The following PHGDH variants were observed in gnomAD, a reference collection of about 807,000 sequenced individuals.
PHGDH encodes the protein D-3-phosphoglycerate dehydrogenase.
In PHGDH, 50 loss-of-function variants were observed where a neutral mutation model predicts 52.6. That is an observed-to-expected ratio of 0.95 (90% CI 0.76 to 1.20). PHGDH has a LOEUF of 1.20. Among genes scored for constraint, PHGDH ranks in the 50% most tolerant of loss-of-function variants. The probability of loss-of-function intolerance (pLI) is 0.00; values close to 1 mark genes in which losing one functional copy is unlikely to be tolerated. For synonymous variants in PHGDH, 271 were observed against 280.5 expected (o/e 0.97, Z 0.34); for missense variants, 630 against 684.6 (o/e 0.92, Z 0.89).
At chr1:119,740,551 G>C in intron 9 of PHGDH, 33 bp downstream of exon 9, 1 of 1,524,662 alleles carries the variant, frequency 6.6e-7, no homozygotes, top group Non-Finnish European at 8.9e-7. Flanking sequence ...GGAGGGGGAG[G>C]AGGGGATGAG....
chr1:119,732,850 C>T (rs1421103062), intron 5 of PHGDH, among the ~76,000 whole-genome samples: 3 of 152,188 alleles, frequency 2.0e-5, no homozygotes, highest in Non-Finnish European at 4.4e-5. Flanking sequence ...TTCTTGGCTC[C>T]TGAGCATGGA....
chr1:119,743,275 G>A (rs933075819), intron 11 of PHGDH, among the ~76,000 whole-genome samples: 1 of 152,246 alleles, frequency 6.6e-6, no homozygotes, highest in Non-Finnish European at 1.5e-5. Flanking sequence ...GGCAGGGGTG[G>A]GGCCATAGCC....
chr1:119,723,751 G>A (rs1428653576), intron 3 of PHGDH, among the ~76,000 whole-genome samples: 1 of 151,566 alleles, frequency 6.6e-6, no homozygotes, highest in Non-Finnish European at 1.5e-5. Context: ...GCTGCCTGGA[G>A]ATAACAAGGA....
intron 1 of PHGDH, among the ~76,000 whole-genome samples, chr1:119,717,232 CAAAAAAAAAA>C (rs58549149): frequency 0.015 from 545 of 37,370 alleles, 12 homozygotes; most frequent in Middle Eastern, 0.11. Flanking sequence ...AACTCTGTCT[CAAAAAAAAAA>C]AAAAAAAAAA....
intron 7 of PHGDH, among the ~76,000 whole-genome samples, chr1:119,736,428 G>T (rs1431677030): frequency 1.3e-5 from 2 of 152,214 alleles, no homozygotes; most frequent in Admixed American, 1.3e-4. Context: ...GGACTCACAG[G>T]GTTAAATGGT....
At chr1:119,740,700 A>C (rs906780790) in intron 9 of PHGDH, among the ~76,000 whole-genome samples, 182 bp downstream of exon 9, 1 of 152,230 alleles carries the variant, frequency 6.6e-6, no homozygotes, top group Non-Finnish European at 1.5e-5. Context: ...GGGGTTAAAA[A>C]AAGTCGTTGG....
At chr1:119,715,785 C>T (rs1650904988) in intron 1 of PHGDH, 1 of 152,284 alleles carries the variant, frequency 6.6e-6, no homozygotes. Context: ...ACACAGAAGC[C>T]ACACGCAGAG....
intron 1 of PHGDH, chr1:119,719,814 T>G (rs2101151851): frequency 6.6e-6 from 1 of 152,298 alleles, no homozygotes; most frequent in Admixed American, 6.5e-5. Context: ...CCAGAATCCA[T>G]GCAGTGGGAA....
At chr1:119,737,564 T>C (rs1220100971) in intron 8 of PHGDH, among the ~76,000 whole-genome samples, 2 of 152,054 alleles carry the variant, frequency 1.3e-5, no homozygotes, top group Non-Finnish European at 2.9e-5. Context: ...TCCTTTGTTC[T>C]CCACATGCCG....
intron 9 of PHGDH, 70 bp from the exon 10 acceptor site, chr1:119,741,697 A>G (rs1486843092): frequency 7.0e-7 from 1 of 1,420,424 alleles, no homozygotes; most frequent in African/African-American, 1.4e-5. Context: ...GCTAGGTGCC[A>G]GTGGCTTCCT....
At chr1:119,737,896 T>G (rs1426136558) in intron 8 of PHGDH, among the ~76,000 whole-genome samples, 1 of 152,208 alleles carries the variant, frequency 6.6e-6, no homozygotes, top group Non-Finnish European at 1.5e-5. Flanking sequence ...TAAGTTTCAC[T>G]GGGTACCAGA....
At chr1:119,727,294 A>G (rs924423222) in intron 5 of PHGDH, 192 bp downstream of exon 5, 7 of 622,882 alleles carry the variant, frequency 1.1e-5, no homozygotes, top group Non-Finnish European at 8.7e-6. Context: ...AAAGCTGGAA[A>G]TACTTGGTGG....
intron 1 of PHGDH, among the ~76,000 whole-genome samples, chr1:119,717,468 T>G (rs1650986882): frequency 6.6e-6 from 1 of 152,098 alleles, no homozygotes; most frequent in Admixed American, 6.5e-5. Context: ...TTATGAAAGG[T>G]TTTCCCAATC....
Position 119,734,741 on chromosome 1 carries a change from C to G in PHGDH, c.618C>G (p.His206Gln). The stretch of plus-strand genomic sequence containing the variant: ...CTCTCTGTGATTTCATCACTGTGCA[C>G]ACTCCTCTCCTGCCCTCCACGACAG... ...IWPLCDFITVHTPLLPSTTGL... is the reference protein window; with the variant it reads ...IWPLCDFITVQTPLLPSTTGL... Residue 206 changes from histidine (H) to glutamine (Q), a missense_variant, in exon 6 of 12, where the codon CAC (histidine) becomes CAG (glutamine). Transcript: ENST00000641023. 1 of 1,613,930 alleles carries G rather than the reference C, an allele frequency of 6.2e-7. No individual in the cohort carries two copies. The highest frequency in any genetic ancestry group is 8.5e-7 in the Non-Finnish European group (1 of 1,179,946).
intron 1 of PHGDH, among the ~76,000 whole-genome samples, chr1:119,716,143 A>T (rs777237368): frequency 6.6e-6 from 1 of 152,108 alleles, no homozygotes; most frequent in African/African-American, 2.4e-5. Flanking sequence ...AGGTTGTAAG[A>T]GGCCTTGGAA....
chr1:119,729,805 G>C (rs1453574301), intron 5 of PHGDH: 1 of 152,174 alleles, frequency 6.6e-6, no homozygotes, highest in Non-Finnish European at 1.5e-5. Flanking sequence ...GTGTTAATCT[G>C]TGCCTCAGAG....
rs1047310984 is a variant in PHGDH, at chr1:119,741,820, C to T, written c.1132C>T (p.Leu378Phe). 5 of 1,613,098 alleles carry T rather than the reference C, an allele frequency of 3.1e-6. No homozygotes were observed. The African/African-American group carries it at 6.7e-5, about 22-fold the overall frequency. Residue 378 changes from leucine (L) to phenylalanine (F), a missense_variant, in exon 10 of 12, where the codon CTC becomes TTC. Transcript: ENST00000641023. The stretch of plus-strand genomic sequence containing the variant: ...CCTAAGCCCCGCAGTCATTGTCGGC[C>T]TCCTGAAAGAGGCTTCCAAGCAGGC... ...NCLSPAVIVG[L>F]LKEASKQADV... is the part of the protein sequence containing the mutation.
intron 5 of PHGDH, among the ~76,000 whole-genome samples, chr1:119,732,475 A>G (rs1453137833): frequency 1.3e-5 from 2 of 152,170 alleles, no homozygotes; most frequent in Non-Finnish European, 1.5e-5. Flanking sequence ...CCTTTCCAGG[A>G]CACACCAGGA....
chr1:119,742,969 C>A lies in PHGDH; in HGVS notation c.1372C>A (p.Pro458Thr). The change falls in exon 11 of 12, where the codon CCT becomes ACT. Residue 458 changes from proline (P) to threonine (T), a missense_variant. Pro to Thr is a conservative substitution (Grantham distance 38). Coordinates refer to ENST00000641023, the MANE Select transcript of PHGDH (RefSeq NM_006623.4). ...TGGAGCTGTCTTCAGGCCAGAAGTG[C>A]CTCTCCGCAGGGACCTGCCCCTGCT... ...LNGAVFRPEV[P>T]LRRDLPLLLF... 1 of 1,614,138 alleles carries A rather than the reference C, an allele frequency of 6.2e-7. No individual in the cohort carries two copies.
Sources: gnomAD v4.1 joint callset for allele counts (sites outside exome capture counted in the v4.1 genomes callset) on GRCh38, gnomAD v4.1.1 for gene constraint, MANE v1.5 for transcripts, NCBI Gene and HGNC (gene_info 2026-07-23, HGNC 2026-07-21) for gene names.